ASIC2: variants seen among roughly 807,000 people sequenced by gnomAD.
The protein encoded by ASIC2 is acid sensing ion channel subunit 2, also known as acid-sensing ion channel 2.
Under a neutral mutation model 57.3 loss-of-function variants are expected in ASIC2, and 25 were observed. That is an observed-to-expected ratio of 0.44 (90% CI 0.32 to 0.61). ASIC2 has a LOEUF of 0.61. ASIC2 is among the 20% of genes least tolerant of loss of function. The pLI, the probability that ASIC2 is intolerant of heterozygous loss-of-function variation, is 0.06. For missense variants in ASIC2, 641 were observed against 738.1 expected (o/e 0.87, Z 1.52); for synonymous variants, 319 against 307.5 (o/e 1.04, Z -0.39).
chr17:33,696,257 G>A (rs1908524144), intron 1 of ASIC2, among the ~76,000 whole-genome samples: 1 of 152,130 alleles, frequency 6.6e-6, no homozygotes, highest in South Asian at 2.1e-4. Context: ...TCTGGCTCCT[G>A]GGTGACAGGC....
intron 1 of ASIC2, among the ~76,000 whole-genome samples, chr17:34,153,400 C>T (rs897448318): frequency 3.3e-5 from 5 of 152,180 alleles, no homozygotes; most frequent in Non-Finnish European, 7.3e-5. Flanking sequence ...GAAGGCGGGT[C>T]AAGTGGCTTC....
chr17:33,871,302 G>T (rs1914399169), intron 1 of ASIC2, among the ~76,000 whole-genome samples: 2 of 152,312 alleles, frequency 1.3e-5, no homozygotes, highest in South Asian at 4.1e-4. Context: ...GTCATTAAAA[G>T]CCCTCTACAA....
chr17:33,295,758 C>A, upstream of ASIC2, among the ~76,000 whole-genome samples: 1 of 152,208 alleles, frequency 6.6e-6, no homozygotes, highest in East Asian at 1.9e-4. Context: ...TCTTGAACAA[C>A]TACTATACGC....
intron 1 of ASIC2, among the ~76,000 whole-genome samples, chr17:33,520,134 G>A (rs576579732): frequency 1.4e-3 from 206 of 152,310 alleles, no homozygotes; most frequent in Non-Finnish European, 2.3e-3. Context: ...CCCCTCCCCA[G>A]GGGCCTCTTT....
chr17:33,408,400 T>G (rs1483564977), intron 1 of ASIC2, among the ~76,000 whole-genome samples: 15 of 152,162 alleles, frequency 9.9e-5, no homozygotes, highest in African/African-American at 3.4e-4. Context: ...GATACTTCAG[T>G]ACAATGTAGT....
At chr17:33,602,145 A>G (rs1567665984) in intron 1 of ASIC2, among the ~76,000 whole-genome samples, 1 of 152,220 alleles carries the variant, frequency 6.6e-6, no homozygotes. Flanking sequence ...TTTCGAGTTG[A>G]TGCTGGAATA....
chr17:33,433,623 G>T (rs1398142107), intron 1 of ASIC2, among the ~76,000 whole-genome samples: 3 of 152,116 alleles, frequency 2.0e-5, no homozygotes, highest in Admixed American at 6.5e-5. Flanking sequence ...GGTGGTGTGT[G>T]CCTGTAGTCC....
intron 1 of ASIC2, among the ~76,000 whole-genome samples, chr17:33,629,767 A>C (rs573297645): frequency 3.9e-5 from 6 of 152,344 alleles, no homozygotes; most frequent in Admixed American, 2.6e-4. Flanking sequence ...GCAAACTTCC[A>C]GGGTAGCAAA....
At chr17:33,865,375 T>C (rs1255200368) in intron 1 of ASIC2, among the ~76,000 whole-genome samples, 1 of 152,170 alleles carries the variant, frequency 6.6e-6, no homozygotes, top group Non-Finnish European at 1.5e-5. Context: ...TTTCTTTCTG[T>C]ATAAAGTAAT....
intron 1 of ASIC2, among the ~76,000 whole-genome samples, chr17:34,020,239 T>C (rs1314723444): frequency 6.6e-6 from 1 of 152,216 alleles, no homozygotes; most frequent in Non-Finnish European, 1.5e-5. Context: ...TGGGCCATAG[T>C]AGACCTGGCT....
chr17:33,568,021 C>A (rs1916300169), intron 1 of ASIC2, among the ~76,000 whole-genome samples: 1 of 152,142 alleles, frequency 6.6e-6, no homozygotes, highest in Admixed American at 6.6e-5. Flanking sequence ...ACTTGGTCAC[C>A]ACCAAGCCAT....
At chr17:33,095,945 C>T (rs1766383911) in intron 2 of ASIC2, among the ~76,000 whole-genome samples, 1 of 152,202 alleles carries the variant, frequency 6.6e-6, no homozygotes, top group African/African-American at 2.4e-5. Flanking sequence ...TGGGGAGGGG[C>T]TTGGCCCATC....
intron 1 of ASIC2, among the ~76,000 whole-genome samples, chr17:33,552,292 T>G (rs1845652349): frequency 6.6e-6 from 1 of 152,162 alleles, no homozygotes; most frequent in African/African-American, 2.4e-5. Flanking sequence ...CCAGGCTGAG[T>G]GGGGCTGGGC....
intron 1 of ASIC2, among the ~76,000 whole-genome samples, chr17:34,081,371 G>A (rs1909876464): frequency 6.6e-6 from 1 of 152,134 alleles, no homozygotes; most frequent in African/African-American, 2.4e-5. Flanking sequence ...TGATAGAAAA[G>A]GCAGAAACAA....
chr17:33,071,618 G>A (rs946479114), intron 3 of ASIC2, among the ~76,000 whole-genome samples: 8 of 152,150 alleles, frequency 5.3e-5, no homozygotes, highest in African/African-American at 1.9e-4. Flanking sequence ...CAGACATCAT[G>A]ATTGGATGCC....
intron 1 of ASIC2, among the ~76,000 whole-genome samples, chr17:33,281,222 C>G (rs1467914491): frequency 1.3e-5 from 2 of 152,164 alleles, no homozygotes; most frequent in East Asian, 3.8e-4. Context: ...AGGGCTCTGA[C>G]CTACCCAGAG....
At chr17:34,074,646 A>G (rs1909555864) in intron 1 of ASIC2, among the ~76,000 whole-genome samples, 1 of 152,146 alleles carries the variant, frequency 6.6e-6, no homozygotes, top group East Asian at 1.9e-4. Context: ...TTTAGCCCCT[A>G]CAGAGCAGAA....
intron 1 of ASIC2, among the ~76,000 whole-genome samples, chr17:33,428,707 C>T (rs1050184925): frequency 6.6e-6 from 1 of 152,200 alleles, no homozygotes; most frequent in Non-Finnish European, 1.5e-5. Context: ...AGTCCTCCAC[C>T]TTTGGAATGC....
At chr17:33,866,836 T>C (rs531802975) in intron 1 of ASIC2, among the ~76,000 whole-genome samples, 16 of 152,368 alleles carry the variant, frequency 1.1e-4, no homozygotes, top group Middle Eastern at 3.4e-3. Context: ...AGCCAGTCTC[T>C]GAAATGTGCT....
Sources: allele counts gnomAD v4.1 joint callset (sites outside exome capture counted in the v4.1 genomes callset), GRCh38; gene constraint gnomAD v4.1.1; transcripts MANE v1.5; gene names NCBI Gene and HGNC (gene_info 2026-07-23, HGNC 2026-07-21).